The following SYNPR variants were observed in gnomAD, a reference collection of about 807,000 sequenced individuals.
The protein encoded by SYNPR is synaptoporin.
A neutral mutation model predicts 32.9 loss-of-function variants in SYNPR; 23 were observed. The observed-to-expected ratio is 0.70, with a 90% CI of 0.50 to 0.99. The LOEUF (loss-of-function observed/expected upper bound fraction) is 0.99, where lower values mean the gene tolerates loss of function less well. Among genes scored for constraint, SYNPR ranks in the 50% least tolerant of loss-of-function variants. SYNPR has a pLI of 0.00. For missense variants in SYNPR, 318 were observed against 349.3 expected, an observed-to-expected ratio of 0.91 and a Z score of 0.71; for synonymous variants, 146 against 135.9, an observed-to-expected ratio of 1.07 and a Z score of -0.52.
intron 3 of SYNPR, among the ~76,000 whole-genome samples, chr3:63,544,460 T>G (rs1222687594): frequency 6.6e-6 from 1 of 152,078 alleles, no homozygotes; most frequent in Non-Finnish European, 1.5e-5. Context: ...AGATTGTATT[T>G]TGTTCTATAT....
intron 2 of SYNPR, among the ~76,000 whole-genome samples, chr3:63,472,203 C>G (rs1372180046): frequency 6.6e-6 from 1 of 152,142 alleles, no homozygotes; most frequent in Non-Finnish European, 1.5e-5. Flanking sequence ...CTGTATGAGT[C>G]TTTCCACAGT....
intron 2 of SYNPR, among the ~76,000 whole-genome samples, chr3:63,262,395 G>C (rs1166301813): frequency 6.6e-6 from 1 of 152,198 alleles, no homozygotes; most frequent in Non-Finnish European, 1.5e-5. Flanking sequence ...CTTGGGAGTG[G>C]TAGGGAGAGA....
chr3:63,457,366 T>A (rs1700501270), intron 2 of SYNPR, among the ~76,000 whole-genome samples: 1 of 152,154 alleles, frequency 6.6e-6, no homozygotes, highest in Non-Finnish European at 1.5e-5. Context: ...TTTTTATTTT[T>A]TATTTTTTAT....
intron 2 of SYNPR, among the ~76,000 whole-genome samples, chr3:63,331,715 G>A (rs1005549776): frequency 2.6e-5 from 4 of 152,140 alleles, no homozygotes; most frequent in Non-Finnish European, 4.4e-5. Context: ...GTAAGAACCT[G>A]CTGTTAGTAC....
intron 5 of SYNPR, among the ~76,000 whole-genome samples, chr3:63,613,350 T>G (rs1386919353): frequency 2.0e-5 from 3 of 152,060 alleles, no homozygotes; most frequent in African/African-American, 7.2e-5. Flanking sequence ...GTTAACTAAT[T>G]TATTTTGTTC....
At chr3:63,345,582 T>C (rs1224657320) in intron 2 of SYNPR, among the ~76,000 whole-genome samples, 1 of 152,032 alleles carries the variant, frequency 6.6e-6, no homozygotes, top group Non-Finnish European at 1.5e-5. Context: ...GGAAAGAAGC[T>C]GGGACCTCAC....
intron 2 of SYNPR, among the ~76,000 whole-genome samples, chr3:63,419,682 A>C (rs921344156): frequency 1.3e-5 from 2 of 152,202 alleles, no homozygotes; most frequent in Non-Finnish European, 2.9e-5. Flanking sequence ...TCAGGAGCTG[A>C]GTAGCAGTTG....
rs139064220 is a variant in SYNPR at position 63,539,614 on chromosome 3, G to A, written c.210-16929G>A. 1.3e-3 allele frequency among the ~76,000 whole-genome samples: 202 copies of A among 152,226 alleles called. 1 individual carries two copies. The highest frequency in any genetic ancestry group is 4.6e-3 in the African/African-American group (190 of 41,554). ...AGTAACAACTTTAAAAATGGAGACT[G>A]CTCTGAGCTATCTTAATTTGGGTTT... is the stretch of plus-strand genomic sequence containing the variant. On this transcript the variant is annotated intron_variant, in intron 3 of 5. Coordinates refer to ENST00000478300, the MANE Select transcript of SYNPR (RefSeq NM_001130003.2).
intron 2 of SYNPR, among the ~76,000 whole-genome samples, chr3:63,476,295 G>GA (rs1232576929): frequency 1.9e-3 from 143 of 76,358 alleles, no homozygotes; most frequent in Non-Finnish European, 2.5e-3. Context: ...GAAGGGAAGG[G>GA]AGGGAAGGAA....
intron 3 of SYNPR, among the ~76,000 whole-genome samples, chr3:63,495,136 T>C (rs575579728): frequency 6.6e-6 from 1 of 152,360 alleles, no homozygotes; most frequent in Non-Finnish European, 1.5e-5. Flanking sequence ...AAATAAGTTG[T>C]TGCTGACACA....
intron 3 of SYNPR, among the ~76,000 whole-genome samples, chr3:63,530,218 A>C (rs1327687855): frequency 1.3e-5 from 2 of 152,104 alleles, no homozygotes; most frequent in African/African-American, 4.8e-5. Flanking sequence ...CCATATTGTT[A>C]TTTTTCACTG....
At chr3:63,372,005 C>A (rs980377239) in intron 2 of SYNPR, among the ~76,000 whole-genome samples, 1 of 152,108 alleles carries the variant, frequency 6.6e-6, no homozygotes, top group Non-Finnish European at 1.5e-5. Flanking sequence ...CACTCTTCAC[C>A]AGACTGAGCC....
At chr3:63,514,794 G>A (rs911903093) in intron 3 of SYNPR, among the ~76,000 whole-genome samples, 1 of 152,036 alleles carries the variant, frequency 6.6e-6, no homozygotes, top group Admixed American at 6.6e-5. Context: ...CCTCTCTTAG[G>A]ATGCCTGAGA....
chr3:63,431,746 AG>A (rs1427292412), intron 2 of SYNPR, among the ~76,000 whole-genome samples: 2 of 150,954 alleles, frequency 1.3e-5, no homozygotes, highest in Admixed American at 6.6e-5. Context: ...ACAAACGAAA[AG>A]AAAAAAAAAA....
intron 1 of SYNPR, among the ~76,000 whole-genome samples, chr3:63,235,151 C>T (rs569464218): frequency 1.3e-5 from 2 of 152,222 alleles, no homozygotes; most frequent in South Asian, 4.1e-4. Flanking sequence ...AGCAAAACAA[C>T]ATTTAGCATC....
intron 3 of SYNPR, among the ~76,000 whole-genome samples, chr3:63,269,355 G>A (rs1265254598): frequency 6.6e-6 from 1 of 152,060 alleles, no homozygotes; most frequent in Non-Finnish European, 1.5e-5. Context: ...TTGGCGTGGT[G>A]GTAGGCACCT....
chr3:63,587,760 C>G (rs1703215940), intron 4 of SYNPR, among the ~76,000 whole-genome samples: 1 of 151,754 alleles, frequency 6.6e-6, no homozygotes, highest in Non-Finnish European at 1.5e-5. Context: ...TTTAGGTATC[C>G]TTGAGGTAAT....
Position 63,338,178 on chromosome 3 carries a change from T to C in SYNPR, c.84+59436T>C, listed in dbSNP as rs1008704197. ...AAATTTTCTGTAAGTCTAAAACTGC[T>C]CTAATAAATAAAGTTTATTTGTTTA... On this transcript the variant is annotated intron_variant, in intron 2 of 5. Coordinates refer to ENST00000478300, the MANE Select transcript of SYNPR (RefSeq NM_001130003.2). 2.6e-5 allele frequency among the ~76,000 whole-genome samples: 4 copies of C among 152,210 alleles called. No homozygotes were observed. The South Asian group carries it at 6.2e-4, about 24-fold the overall frequency.
intron 2 of SYNPR, among the ~76,000 whole-genome samples, chr3:63,318,782 T>C (rs2087073356): frequency 6.6e-6 from 1 of 152,074 alleles, no homozygotes; most frequent in African/African-American, 2.4e-5. Flanking sequence ...TTTCTTGGTT[T>C]GGATCCATTG....
Sources: allele counts gnomAD v4.1 joint callset (sites outside exome capture counted in the v4.1 genomes callset), GRCh38; gene constraint gnomAD v4.1.1; transcripts MANE v1.5; gene names NCBI Gene and HGNC (gene_info 2026-07-23, HGNC 2026-07-21).